The following NLRP1 variants were observed in gnomAD, a reference collection of about 807,000 sequenced individuals.
NLRP1 encodes the protein NACHT, LRR and PYD domains-containing protein 1.
A neutral mutation model predicts 136.7 loss-of-function variants in NLRP1; 94 were observed. That is an observed-to-expected ratio of 0.69 (90% CI 0.58 to 0.82). NLRP1 has a LOEUF of 0.82. Ranked by LOEUF, NLRP1 falls within the 40% of genes least tolerant of loss-of-function variation. The pLI is 0.00. For missense variants in NLRP1, 1,575 were observed against 1,802.7 expected, an observed-to-expected ratio of 0.87 and a Z score of 2.29; for synonymous variants, 690 against 725.1, an observed-to-expected ratio of 0.95 and a Z score of 0.78.
intron 13 of NLRP1, 47 bp downstream of exon 13, chr17:5,521,477 T>C: frequency 6.3e-7 from 1 of 1,583,070 alleles, no homozygotes. Flanking sequence ...CATTTTGTGT[T>C]TACCGTCAAC....
At chr17:5,533,715 G>A (rs1177163670) in intron 9 of NLRP1, among the ~76,000 whole-genome samples, 182 bp downstream of exon 9, 1 of 152,002 alleles carries the variant, frequency 6.6e-6, no homozygotes, top group Non-Finnish European at 1.5e-5. Flanking sequence ...GTCTCGGAGA[G>A]AGGGTAACGG....
At chr17:5,555,569 T>G (rs1366480002) in intron 4 of NLRP1, among the ~76,000 whole-genome samples, 1 of 152,064 alleles carries the variant, frequency 6.6e-6, no homozygotes, top group African/African-American at 2.4e-5. Context: ...CCAGCCACCA[T>G]CTGGTCTCTG....
At chr17:5,574,216 G>C (rs925653911) in intron 3 of NLRP1, among the ~76,000 whole-genome samples, 10 of 152,164 alleles carry the variant, frequency 6.6e-5, no homozygotes, top group Non-Finnish European at 1.3e-4. Context: ...AGTGATTGAA[G>C]ACCAAATGAA....
chr17:5,516,116 C>T (rs559131769), intron 15 of NLRP1, among the ~76,000 whole-genome samples: 11 of 152,160 alleles, frequency 7.2e-5, no homozygotes, highest in Admixed American at 2.0e-4. Context: ...CACAGCAGCT[C>T]GCATGTACAA....
intron 5 of NLRP1, among the ~76,000 whole-genome samples, chr17:5,542,712 T>TTCCC (rs765196772): frequency 1.0e-4 from 15 of 148,564 alleles, no homozygotes; most frequent in African/African-American, 3.2e-4. Flanking sequence ...TTTTGCCCAT[T>TTCCC]TCCCTCCCTC....
At position 5,558,930 on chromosome 17, in the gene NLRP1, T is replaced by A; in HGVS notation, c.1766A>T (p.Asp589Val). The A allele has an allele frequency of 6.2e-7, 1 of 1,614,178 alleles. No individual in the cohort carries two copies. Among genetic ancestry groups the A allele is most frequent in the Non-Finnish European group, 8.5e-7 (1 of 1,180,014 alleles). Residue 589 changes from aspartate (D) to valine (V), a missense_variant, in exon 4 of 17, where the codon GAT (aspartate) becomes GTT (valine). By Grantham distance (152) the Asp-to-Val change is radical. Coordinates refer to ENST00000572272, the MANE Select transcript of NLRP1 (RefSeq NM_033004.4). ...ATCTAACCCATGCTTCCTGAGGTCA[T>A]CTGGACTGAAAAGGGTCTTTTTTTG... ...IWQKKTLFSP[D>V]DLRKHGLDGA...
intron 3 of NLRP1, among the ~76,000 whole-genome samples, chr17:5,563,411 T>C (rs1272128985): frequency 6.6e-6 from 1 of 152,178 alleles, no homozygotes; most frequent in Non-Finnish European, 1.5e-5. Flanking sequence ...AAAGACGAAA[T>C]GGTCATTTTA....
intron 15 of NLRP1, among the ~76,000 whole-genome samples, chr17:5,507,591 G>A (rs143929372): frequency 0.013 from 1,925 of 152,202 alleles, 13 homozygotes; most frequent in Middle Eastern, 0.031. Context: ...CTGGGAGGCC[G>A]AGGCGGGTAG....
At chr17:5,519,637 A>G (rs1908643506) in intron 14 of NLRP1, among the ~76,000 whole-genome samples, 1 of 150,760 alleles carries the variant, frequency 6.6e-6, no homozygotes, top group Non-Finnish European at 1.5e-5. Flanking sequence ...TAGTAGAGAC[A>G]GGTTTTCACT....
downstream of NLRP1, chr17:5,512,491 C>T (rs1907707081): frequency 5.9e-6 from 4 of 678,094 alleles, no homozygotes; most frequent in South Asian, 6.7e-5. Flanking sequence ...TTTCTTTGCC[C>T]CTTGTCTTTT....
chr17:5,529,293 CT>C (rs771640535), intron 12 of NLRP1, among the ~76,000 whole-genome samples: 1 of 148,218 alleles, frequency 6.7e-6, no homozygotes, highest in African/African-American at 2.5e-5. Context: ...TCCCTTCTAT[CT>C]TATCTTTCTG....
intron 5 of NLRP1, among the ~76,000 whole-genome samples, chr17:5,551,276 A>G (rs1450123674): frequency 6.6e-6 from 1 of 152,208 alleles, no homozygotes; most frequent in Non-Finnish European, 1.5e-5. Context: ...TATAGTTGGA[A>G]GCATACAGCA....
intron 3 of NLRP1, among the ~76,000 whole-genome samples, chr17:5,579,578 TTATTGGGTATATACC>T (rs1437381867): frequency 6.6e-6 from 1 of 152,200 alleles, no homozygotes; most frequent in Non-Finnish European, 1.5e-5. Context: ...AGCAATCCCA[TTATTGGGTATATACC>T]CAAAGGAATG....
At chr17:5,568,655 T>C (rs1031989595) in intron 3 of NLRP1, among the ~76,000 whole-genome samples, 1 of 152,152 alleles carries the variant, frequency 6.6e-6, no homozygotes, top group African/African-American at 2.4e-5. Context: ...GCATTTATTG[T>C]AGTCTTCACT....
intron 5 of NLRP1, among the ~76,000 whole-genome samples, chr17:5,542,277 C>T (rs943263830): frequency 2.6e-5 from 4 of 152,116 alleles, no homozygotes; most frequent in Admixed American, 6.5e-5. Context: ...ATACAATTCA[C>T]GGTCCTTTTC....
downstream of NLRP1, chr17:5,512,502 A>C: frequency 3.0e-6 from 2 of 656,954 alleles, no homozygotes; most frequent in Non-Finnish European, 5.6e-6. Context: ...CTTGTCTTTT[A>C]AATCTTCTTA....
At chr17:5,543,616 A>G (rs576577850) in intron 5 of NLRP1, among the ~76,000 whole-genome samples, 19 of 151,806 alleles carry the variant, frequency 1.3e-4, no homozygotes, top group African/African-American at 4.3e-4. Flanking sequence ...AGATCATGCC[A>G]CTGCACTCCA....
intron 2 of NLRP1, 80 bp downstream of exon 2, chr17:5,582,590 A>C: frequency 7.3e-7 from 1 of 1,374,820 alleles, no homozygotes; most frequent in South Asian, 1.2e-5. Context: ...CCCCATGCAC[A>C]GACATGATCC....
intron 15 of NLRP1, 103 bp downstream of exon 15, chr17:5,517,643 C>T: frequency 5.8e-6 from 8 of 1,375,554 alleles, no homozygotes. Flanking sequence ...GCCTCGGCCT[C>T]CCAAAGTTCT....
Sources: gnomAD v4.1 joint callset for allele counts (sites outside exome capture counted in the v4.1 genomes callset) on GRCh38, gnomAD v4.1.1 for gene constraint, MANE v1.5 for transcripts, NCBI Gene and HGNC (gene_info 2026-07-23, HGNC 2026-07-21) for gene names.